MBD5: variants seen among roughly 807,000 people sequenced by gnomAD.
The protein encoded by MBD5 is methyl-CpG-binding domain protein 5.
MBD5 carries 13 observed loss-of-function variants against 117.3 expected under a neutral mutation model. The observed-to-expected ratio is 0.11, with a 90% CI of 0.07 to 0.18. The LOEUF (loss-of-function observed/expected upper bound fraction) is 0.18, where lower values mean the gene tolerates loss of function less well. Ranked by LOEUF, MBD5 falls within the 10% of genes least tolerant of loss-of-function variation. The pLI is 1.00. For synonymous variants in MBD5, 727 were observed against 766.4 expected, an observed-to-expected ratio of 0.95 and a Z score of 0.85; for missense variants, 1,879 against 2,093.8, an observed-to-expected ratio of 0.90 and a Z score of 2.00.
At chr2:148,280,131 C>CAAAAAAAAAAAAAAAAA (rs3076398) in intron 3 of MBD5, among the ~76,000 whole-genome samples, 35 of 91,848 alleles carry the variant, frequency 3.8e-4, no homozygotes, top group Non-Finnish European at 5.4e-4. Context: ...AAACTAACTG[C>CAAAAAAAAAAAAAAAAA]AAAAAAAAAA....
At chr2:148,073,279 G>T (rs956521551) in intron 1 of MBD5, among the ~76,000 whole-genome samples, 2 of 152,218 alleles carry the variant, frequency 1.3e-5, no homozygotes, top group Non-Finnish European at 2.9e-5. Context: ...GGGGTAGGGG[G>T]TAGCAGGTAT....
intron 1 of MBD5, among the ~76,000 whole-genome samples, chr2:148,104,270 C>G (rs1696311159): frequency 6.6e-6 from 1 of 152,054 alleles, no homozygotes; most frequent in South Asian, 2.1e-4. Context: ...GTACCTGATA[C>G]TTGGTAGGTA....
chr2:148,122,657 G>A (rs1696796868), intron 1 of MBD5, among the ~76,000 whole-genome samples: 1 of 152,096 alleles, frequency 6.6e-6, no homozygotes, highest in Admixed American at 6.5e-5. Context: ...TTTCCTCGAG[G>A]TGGCTTGACG....
chr2:148,368,502 A>G (rs1703766735), intron 4 of MBD5, among the ~76,000 whole-genome samples: 1 of 152,170 alleles, frequency 6.6e-6, no homozygotes, highest in Admixed American at 6.5e-5. Flanking sequence ...AAAATAAATA[A>G]AAACAAAAAA....
At chr2:148,115,422 A>G (rs1375666654) in intron 1 of MBD5, among the ~76,000 whole-genome samples, 1 of 152,160 alleles carries the variant, frequency 6.6e-6, no homozygotes, top group Non-Finnish European at 1.5e-5. Flanking sequence ...ATGATTCTTG[A>G]AGCCACTTTA....
At chr2:148,260,832 A>G (rs1420113640) in intron 3 of MBD5, 1 of 152,240 alleles carries the variant, frequency 6.6e-6, no homozygotes, top group Non-Finnish European at 1.5e-5. Flanking sequence ...TGTATTTCTT[A>G]ATTAAAAAGA....
chr2:148,419,909 A>C (rs971880489), intron 4 of MBD5, among the ~76,000 whole-genome samples: 1 of 152,116 alleles, frequency 6.6e-6, no homozygotes, highest in Non-Finnish European at 1.5e-5. Flanking sequence ...ACATCTCTGG[A>C]GGAACTCATT....
intron 2 of MBD5, among the ~76,000 whole-genome samples, chr2:148,224,308 T>A (rs1296268297): frequency 6.6e-6 from 1 of 152,106 alleles, no homozygotes; most frequent in African/African-American, 2.4e-5. Context: ...TGTCTGATAC[T>A]GAAAGTATGG....
intron 1 of MBD5, among the ~76,000 whole-genome samples, chr2:148,116,858 C>A (rs1255762516): frequency 6.6e-6 from 1 of 152,172 alleles, no homozygotes; most frequent in African/African-American, 2.4e-5. Flanking sequence ...TGCCCTTCTG[C>A]AGCACATAGG....
Position 148,468,660 on chromosome 2 carries a change from A to C in MBD5, c.717A>C (p.Pro239=), listed in dbSNP as rs759518195. 2.5e-6 allele frequency: 4 copies of C among 1,613,860 alleles called. No homozygotes were observed. Among genetic ancestry groups the C allele is most frequent in the South Asian group, 1.1e-5 (1 of 91,078 alleles). Residue 239 remains proline, a synonymous_variant, in exon 8 of 14, where the codon CCA becomes CCC. Transcript: ENST00000642680. ...SQIYGDGSIS[P]RTDPLGSPDV... is the part of the protein sequence containing the mutation. ...TATATGGAGATGGTTCAATCTCTCCAAGGACTGACCCACTTGGAAGTCCTG... is the reference window on the plus strand; with the variant it reads ...TATATGGAGATGGTTCAATCTCTCCCAGGACTGACCCACTTGGAAGTCCTG...
intron 1 of MBD5, among the ~76,000 whole-genome samples, chr2:148,082,633 T>TA (rs1402082711): frequency 6.6e-6 from 1 of 152,222 alleles, no homozygotes; most frequent in Non-Finnish European, 1.5e-5. Context: ...TCCTAGCCCT[T>TA]ACAGAGTTTA....
intron 1 of MBD5, chr2:148,055,890 G>A (rs990448300): frequency 6.6e-6 from 1 of 152,082 alleles, no homozygotes; most frequent in Admixed American, 6.5e-5. Flanking sequence ...GTTTAGATAA[G>A]TCTTGGTAGT....
At chr2:148,240,433 A>G (rs754344959) in intron 3 of MBD5, among the ~76,000 whole-genome samples, 20 of 138,100 alleles carry the variant, frequency 1.4e-4, no homozygotes, top group Non-Finnish European at 2.6e-4. Context: ...AAAAAAAAAA[A>G]GAAATGGGGT....
chr2:148,064,658 A>C, intron 1 of MBD5, among the ~76,000 whole-genome samples: 1 of 152,126 alleles, frequency 6.6e-6, no homozygotes, highest in Non-Finnish European at 1.5e-5. Flanking sequence ...CAGTCCTTAC[A>C]CCTGAAATCA....
intron 1 of MBD5, among the ~76,000 whole-genome samples, chr2:148,072,362 A>G (rs892475500): frequency 6.6e-6 from 1 of 152,194 alleles, no homozygotes; most frequent in Non-Finnish European, 1.5e-5. Flanking sequence ...TTTAAAATGT[A>G]TGGGCCGAAA....
intron 1 of MBD5, among the ~76,000 whole-genome samples, chr2:148,151,719 T>C (rs1697673971): frequency 6.6e-6 from 1 of 152,202 alleles, no homozygotes; most frequent in South Asian, 2.1e-4. Context: ...ATTTTCTAGT[T>C]GATTTGTGTA....
intron 1 of MBD5, among the ~76,000 whole-genome samples, chr2:148,102,702 ACACACAC>A (rs1696253569): frequency 4.7e-5 from 1 of 21,128 alleles, no homozygotes; most frequent in African/African-American, 9.0e-5. Flanking sequence ...GAGAGAGATC[ACACACAC>A]ACACACACAC....
intron 3 of MBD5, among the ~76,000 whole-genome samples, chr2:148,320,694 T>C (rs897860397): frequency 6.6e-6 from 1 of 152,208 alleles, no homozygotes; most frequent in Non-Finnish European, 1.5e-5. Context: ...TTAATCTTGC[T>C]GTTCATTATT....
intron 4 of MBD5, among the ~76,000 whole-genome samples, chr2:148,356,946 T>A (rs200967342): frequency 6.6e-6 from 1 of 152,122 alleles, no homozygotes; most frequent in East Asian, 1.9e-4. Flanking sequence ...TAGCAACTCC[T>A]AAGAACAAGT....
Sources: allele counts gnomAD v4.1 joint callset (sites outside exome capture counted in the v4.1 genomes callset), GRCh38; gene constraint gnomAD v4.1.1; transcripts MANE v1.5; gene names NCBI Gene and HGNC (gene_info 2026-07-23, HGNC 2026-07-21).